Variants in ADAM12 observed in about 807,000 individuals in gnomAD.
The protein encoded by ADAM12 is ADAM metallopeptidase domain 12, also known as disintegrin and metalloproteinase domain-containing protein 12.
Under a neutral mutation model 106.4 loss-of-function variants are expected in ADAM12, and 70 were observed. The ratio of observed to expected loss-of-function variants is 0.66; its 90% CI spans 0.54 to 0.80. The LOEUF (loss-of-function observed/expected upper bound fraction) is 0.80, where lower values mean the gene tolerates loss of function less well. Among genes scored for constraint, ADAM12 ranks in the 30% least tolerant of loss-of-function variants. The pLI is 0.00. For missense variants in ADAM12, 1,010 were observed against 1,171.9 expected (o/e 0.86, Z 2.02); for synonymous variants, 420 against 433.5 (o/e 0.97, Z 0.39).
At chr10:126,387,803 G>A (rs1856719683) in intron 1 of ADAM12, among the ~76,000 whole-genome samples, 1 of 151,952 alleles carries the variant, frequency 6.6e-6, no homozygotes, top group African/African-American at 2.4e-5. Flanking sequence ...ACGGGGGAGC[G>A]GTCCCGAGGC....
intron 3 of ADAM12, among the ~76,000 whole-genome samples, chr10:126,278,044 C>G (rs144839163): frequency 6.6e-6 from 1 of 152,210 alleles, no homozygotes; most frequent in East Asian, 1.9e-4. Flanking sequence ...TGAGGGCCTG[C>G]GACCTCTACT....
At chr10:126,045,604 A>G (rs1954296339) in intron 17 of ADAM12, among the ~76,000 whole-genome samples, 1 of 152,232 alleles carries the variant, frequency 6.6e-6, no homozygotes, top group Non-Finnish European at 1.5e-5. Context: ...CTAAAATAAC[A>G]GCCTTCTTTA....
chr10:126,190,989 CCTTTTTTTTT>C (rs1260641480), intron 3 of ADAM12, among the ~76,000 whole-genome samples: 1,174 of 68,704 alleles, frequency 0.017, 112 homozygotes, highest in African/African-American at 0.041. Flanking sequence ...GGAGTTTTGT[CCTTTTTTTTT>C]TTTTTTTTTT....
chr10:126,134,359 G>A (rs1956366686), intron 5 of ADAM12, among the ~76,000 whole-genome samples: 1 of 152,168 alleles, frequency 6.6e-6, no homozygotes, highest in Non-Finnish European at 1.5e-5. Flanking sequence ...TGTATATGAT[G>A]TGACTCTATG....
chr10:126,030,022 G>T (rs1391794774), intron 21 of ADAM12, among the ~76,000 whole-genome samples: 1 of 152,196 alleles, frequency 6.6e-6, no homozygotes, highest in Non-Finnish European at 1.5e-5. Flanking sequence ...GATTATGCCT[G>T]TGTGACGTAG....
Position 126,057,513 on chromosome 10 carries a change from G to T in ADAM12, c.1609+7293C>A, listed in dbSNP as rs936440. Among the ~76,000 whole-genome samples the T allele has an allele frequency of 8.9e-3, 1,359 of 152,246 alleles. 22 individuals are homozygous for T. The highest frequency in any genetic ancestry group is 0.031 in the African/African-American group (1,273 of 41,522). ...AGGAACACGGATGTTTAAAGGCTAA[G>T]GGGTTTCAAATGAACCAAACTTCTA... On this transcript the variant is annotated intron_variant, in intron 14 of 22. Transcript: ENST00000448723.
intron 3 of ADAM12, among the ~76,000 whole-genome samples, chr10:126,270,422 C>A (rs1200183042): frequency 6.6e-6 from 1 of 152,208 alleles, no homozygotes; most frequent in Admixed American, 6.5e-5. Context: ...TGCTGTCCAA[C>A]AGAAATTTCT....
chr10:126,246,055 A>G (rs938018980), intron 3 of ADAM12, among the ~76,000 whole-genome samples: 1 of 152,160 alleles, frequency 6.6e-6, no homozygotes, highest in Non-Finnish European at 1.5e-5. Flanking sequence ...GGTGGAAAGG[A>G]AGGAGTACAC....
chr10:126,145,909 G>T (rs996351002), intron 4 of ADAM12, among the ~76,000 whole-genome samples: 2 of 152,212 alleles, frequency 1.3e-5, no homozygotes, highest in Non-Finnish European at 2.9e-5. Context: ...GGGTGATACT[G>T]GTCTAAGAAA....
At chr10:126,337,346 A>G (rs1436715439) in intron 1 of ADAM12, among the ~76,000 whole-genome samples, 1 of 152,238 alleles carries the variant, frequency 6.6e-6, no homozygotes, top group Non-Finnish European at 1.5e-5. Context: ...CAGAAGACTC[A>G]GCAAGCAAGC....
At chr10:126,248,649 G>GT (rs2133675286) in intron 3 of ADAM12, among the ~76,000 whole-genome samples, 1 of 129,494 alleles carries the variant, frequency 7.7e-6, no homozygotes, top group African/African-American at 2.9e-5. Flanking sequence ...AGCCTCACAG[G>GT]TATGTATGTA....
At chr10:126,171,556 G>T (rs1457259522) in intron 3 of ADAM12, among the ~76,000 whole-genome samples, 1 of 152,228 alleles carries the variant, frequency 6.6e-6, no homozygotes, top group Non-Finnish European at 1.5e-5. Context: ...CACTAGGCTA[G>T]AGTTAGCACC....
rs1954813952 is a variant in ADAM12 at position 126,064,116 on chromosome 10, T to G, written c.1609+690A>C. On this transcript the variant is annotated intron_variant, in intron 14 of 22. Coordinates refer to ENST00000448723, the MANE Select transcript of ADAM12 (RefSeq NM_001288973.2). The surrounding 1 kb of genome is among the most constrained non-coding windows in gnomAD (Gnocchi z 4.4). ...CATAGTCCCCACTTCAGGGGCTTGT[T>G]GGAGGGTCAGAAGAGACAAAGTGTG... 6.6e-6 allele frequency among the ~76,000 whole-genome samples: 1 copy of G among 152,196 alleles called. No individual in the cohort carries two copies. The highest frequency in any genetic ancestry group is 2.4e-5 in the African/African-American group (1 of 41,438).
At chr10:126,148,035 G>A (rs375714884) in intron 4 of ADAM12, among the ~76,000 whole-genome samples, 9 of 152,116 alleles carry the variant, frequency 5.9e-5, no homozygotes, top group Non-Finnish European at 7.4e-5. Context: ...ATAGTCTCCC[G>A]CAGGCCTTAT....
chr10:126,093,778 T>C (rs1955507382), intron 11 of ADAM12, among the ~76,000 whole-genome samples: 1 of 152,230 alleles, frequency 6.6e-6, no homozygotes, highest in South Asian at 2.1e-4. Context: ...CCCTCTTCCT[T>C]GTACACACCA....
intron 3 of ADAM12, among the ~76,000 whole-genome samples, chr10:126,158,840 T>G (rs989011179): frequency 7.6e-6 from 1 of 132,106 alleles, no homozygotes; most frequent in African/African-American, 2.9e-5. Context: ...GGGGAGTAGA[T>G]GCACAGAGCA....
chr10:126,228,425 T>C (rs1396970737), intron 3 of ADAM12, among the ~76,000 whole-genome samples: 1 of 152,198 alleles, frequency 6.6e-6, no homozygotes, highest in Non-Finnish European at 1.5e-5. Flanking sequence ...AAAAAGTAAC[T>C]TCAAATGTAC....
At chr10:126,349,856 A>ACT (rs747875975) in intron 1 of ADAM12, among the ~76,000 whole-genome samples, 3 of 151,858 alleles carry the variant, frequency 2.0e-5, no homozygotes, top group Admixed American at 1.3e-4. Context: ...ACATAATGGA[A>ACT]CTCTCCGTGG....
At chr10:126,386,818 T>C (rs1008578382) in intron 1 of ADAM12, among the ~76,000 whole-genome samples, 7 of 152,228 alleles carry the variant, frequency 4.6e-5, no homozygotes, top group African/African-American at 1.7e-4. Flanking sequence ...AAGGACCAAT[T>C]TGTTTAAAAG....
Sources: gnomAD v4.1 joint callset for allele counts (sites outside exome capture counted in the v4.1 genomes callset) on GRCh38, gnomAD v4.1.1 for gene constraint, Gnocchi (gnomAD v3.1) non-coding constraint, MANE v1.5 for transcripts, NCBI Gene and HGNC (gene_info 2026-07-23, HGNC 2026-07-21) for gene names.